Variants in FBH1 observed in about 807,000 individuals in gnomAD.
The protein encoded by FBH1 is F-box DNA helicase 1.
A neutral mutation model predicts 115.5 loss-of-function variants in FBH1; 43 were observed. The observed-to-expected ratio is 0.37, with a 90% CI of 0.29 to 0.48. FBH1 has a LOEUF of 0.48. Among genes scored for constraint, FBH1 ranks in the 20% least tolerant of loss-of-function variants. The pLI is 0.99. For synonymous variants in FBH1, 524 were observed against 507.8 expected (o/e 1.03, Z -0.43); for missense variants, 1,001 against 1,337.3 (o/e 0.75, Z 3.92).
Position 5,906,164 on chromosome 10 carries a change from T to C in FBH1, c.285T>C (p.Phe95=). The C allele has an allele frequency of 1.2e-6, 2 of 1,614,104 alleles. No homozygotes were observed. The part of the protein sequence containing the change: ...SCQDSEGDMI[F]PAESSCALPQ... ...AGGACTCTGAGGGTGACATGATCTT[T>C]CCTGCAGAGAGCAGCTGTGCACTGC... Residue 95 remains phenylalanine (F), a synonymous_variant, in exon 3 of 21, where the codon TTT becomes TTC. Coordinates refer to ENST00000362091, the MANE Select transcript of FBH1 (RefSeq NM_178150.3). This position sits in a 1 kb window ranked among gnomAD's most constrained non-coding sequence, Gnocchi z 7.3.
chr10:5,894,375 G>A (rs989680507), intron 1 of FBH1: 11 of 1,577,994 alleles, frequency 7.0e-6, no homozygotes, highest in African/African-American at 1.4e-5. Flanking sequence ...TAAACTTGAG[G>A]TTTTCAGAAG....
rs559656259 is a variant in FBH1 at position 5,915,053 on chromosome 10, T to A, written c.1397-350T>A. On this transcript the variant is annotated intron_variant, in intron 8 of 20. Coordinates refer to ENST00000362091, the MANE Select transcript of FBH1 (RefSeq NM_178150.3). This position sits in a 1 kb window ranked among gnomAD's most constrained non-coding sequence, Gnocchi z 5.2. Reference sequence around the variant, plus strand: ...TCTCTCCAGAGACATGCCTTCCCCCTCCCTAACCCTACCCTCCTATCCTGA... The same window carrying A: ...TCTCTCCAGAGACATGCCTTCCCCCACCCTAACCCTACCCTCCTATCCTGA... Among the ~76,000 whole-genome samples, 7 of 152,134 alleles carry A rather than the reference T, an allele frequency of 4.6e-5. No individual in the cohort carries two copies. The highest frequency in any genetic ancestry group is 8.8e-5 in the Non-Finnish European group (6 of 67,966).
intron 1 of FBH1, among the ~76,000 whole-genome samples, chr10:5,893,612 G>A (rs746485164): frequency 6.6e-6 from 1 of 152,094 alleles, no homozygotes; most frequent in South Asian, 2.1e-4. Flanking sequence ...TCAACTCTTC[G>A]TGAAGCCTTT....
At position 5,906,728 on chromosome 10, in the gene FBH1, T is replaced by A; in HGVS notation, c.753+96T>A. ...TCAGAGGATCTTTTCAGAAATGGTT[T>A]CCATTTGCCTTCAGAAGACATTCAG... On this transcript the variant is annotated intron_variant, in intron 3 of 20. Coordinates refer to ENST00000362091, the MANE Select transcript of FBH1 (RefSeq NM_178150.3). This position sits in a 1 kb window ranked among gnomAD's most constrained non-coding sequence, Gnocchi z 7.3. 1.9e-6 allele frequency: 2 copies of A among 1,077,134 alleles called. No individual in the cohort carries two copies. Among genetic ancestry groups the A allele is most frequent in the Non-Finnish European group, 2.7e-6 (2 of 752,544 alleles). 66.7% of individuals were successfully genotyped at this position (1,077,134 alleles called of 1,614,324 possible).
chr10:5,898,945 A>G (rs1430975309), intron 1 of FBH1, among the ~76,000 whole-genome samples: 1 of 152,214 alleles, frequency 6.6e-6, no homozygotes, highest in Non-Finnish European at 1.5e-5. Context: ...GTCATTATCA[A>G]TGCACCGTTG....
rs532189532 is a variant in FBH1, at chr10:5,932,064, G to A, written c.2830-4392G>A. On this transcript the variant is annotated intron_variant, in intron 19 of 20. Coordinates refer to ENST00000362091, the MANE Select transcript of FBH1 (RefSeq NM_178150.3). The surrounding 1 kb of genome is among the most constrained non-coding windows in gnomAD (Gnocchi z 5.9). ...TAGGAGGCTGAGGTGGGAGAATCGC[G>A]TGAACCCAGGAGGCGGAGATTGCAG... Among the ~76,000 whole-genome samples the A allele has an allele frequency of 2.6e-5, 4 of 152,270 alleles. No individual in the cohort carries two copies. The highest frequency in any genetic ancestry group is 6.5e-5 in the Admixed American group (1 of 15,300).
intron 1 of FBH1, chr10:5,894,159 C>T: frequency 3.0e-6 from 3 of 985,390 alleles, no homozygotes; most frequent in Non-Finnish European, 2.4e-6. Flanking sequence ...TCAGTGAATA[C>T]CTGGGAAAGG....
chr10:5,895,317 C>A lies in FBH1; in HGVS notation c.1+4971C>A. ...TTGTAGCAGTTTCTCCAGTCAGGTA[C>A]CTTGTACTAGCGAGTCAACTTGATT... On this transcript the variant is annotated intron_variant, in intron 1 of 20. Transcript: ENST00000362091. This position sits in a 1 kb window ranked among gnomAD's most constrained non-coding sequence, Gnocchi z 5.0. The A allele has an allele frequency of 1.1e-6, 1 of 902,636 alleles. No individual in the cohort carries two copies. The highest frequency in any genetic ancestry group is 1.6e-6 in the Non-Finnish European group (1 of 641,662). The allele number at this position is 902,636 out of a possible 1,614,324, so 55.9% of individuals were successfully genotyped here.
At position 5,900,431 on chromosome 10, in the gene FBH1, C is replaced by A. The variant is rs1843274022; in HGVS notation, c.2-2589C>A. On this transcript the variant is annotated intron_variant, in intron 1 of 20. Coordinates refer to ENST00000362091, the MANE Select transcript of FBH1 (RefSeq NM_178150.3). The surrounding 1 kb of genome is among the most constrained non-coding windows in gnomAD (Gnocchi z 4.2). ...AAGTGGCCAGCTGAGGGTGCCAGCCCAGCCCTCCCGCCAGGCCCTCGCCGG... is the reference window on the plus strand; with the variant it reads ...AAGTGGCCAGCTGAGGGTGCCAGCCAAGCCCTCCCGCCAGGCCCTCGCCGG... Among the ~76,000 whole-genome samples, 1 of 152,216 alleles carries A rather than the reference C, an allele frequency of 6.6e-6. No individual in the cohort carries two copies. The highest frequency in any genetic ancestry group is 1.5e-5 in the Non-Finnish European group (1 of 68,038).
chr10:5,892,842 A>G (rs1842810013), intron 1 of FBH1, among the ~76,000 whole-genome samples: 1 of 152,182 alleles, frequency 6.6e-6, no homozygotes. Context: ...CCATGTTCTT[A>G]TGCACCTGCA....
chr10:5,915,658 A>G lies in FBH1; in HGVS notation c.1565+87A>G. ...CCGTGACGATCACATGTGAGCTTAC[A>G]CCACAGTGACCCCGAGGAGTGTAGT... On this transcript the variant is annotated intron_variant, in intron 9 of 20. Transcript: ENST00000362091. The surrounding 1 kb of genome is among the most constrained non-coding windows in gnomAD (Gnocchi z 5.2). 8.1e-7 allele frequency: 1 copy of G among 1,233,612 alleles called. No individual in the cohort carries two copies. The highest frequency in any genetic ancestry group is 1.2e-6 in the Non-Finnish European group (1 of 864,414). The allele number at this position is 1,233,612 out of a possible 1,614,324, so 76.4% of individuals were successfully genotyped here.
In FBH1 at chr10:5,903,207, A is replaced by T. The variant is rs750147868; in HGVS notation, c.157+32A>T. The stretch of plus-strand genomic sequence containing the variant: ...CTCCTCTAAAACTCTTGCATTTCAA[A>T]ACCTGTAGTGTGTGGGTCCTTTGAC... On this transcript the variant is annotated intron_variant, in intron 2 of 20. Transcript: ENST00000362091. The T allele has an allele frequency of 1.8e-5, 28 of 1,564,076 alleles. No homozygotes were observed. In the East Asian group the frequency reaches 5.4e-4, roughly 30 times the overall value.
rs747367408 is a variant in FBH1, at chr10:5,906,585, C to T, written c.706C>T (p.Leu236=). The T allele has an allele frequency of 1.2e-6, 2 of 1,612,984 alleles. No homozygotes were observed. Among genetic ancestry groups the T allele is most frequent in the South Asian group, 1.1e-5 (1 of 91,074 alleles). Residue 236 remains leucine (L), a synonymous_variant, in exon 3 of 21, where the codon CTG becomes TTG. Coordinates refer to ENST00000362091, the MANE Select transcript of FBH1 (RefSeq NM_178150.3). The surrounding 1 kb of genome is among the most constrained non-coding windows in gnomAD (Gnocchi z 7.3). ...CCCGGTGGAAGACCTCTATTGGAAC[C>T]TGAGCTTGGTGTGCCACTTGTGGAG... ...FLPVEDLYWN[L]SLVCHLWREI...
Position 5,895,179 on chromosome 10 carries a change from A to G in FBH1, c.1+4833A>G, listed in dbSNP as rs1349621372. On this transcript the variant is annotated intron_variant, in intron 1 of 20. Transcript: ENST00000362091. This position sits in a 1 kb window ranked among gnomAD's most constrained non-coding sequence, Gnocchi z 5.0. The stretch of plus-strand genomic sequence containing the variant: ...GCCCACTTGCTGGTCTTCACAGAGC[A>G]CGCTGAAAGTAAGAGGCATGTGGGA... 1.9e-6 allele frequency: 3 copies of G among 1,612,640 alleles called. No homozygotes were observed. Among genetic ancestry groups the G allele is most frequent in the Admixed American group, 1.7e-5 (1 of 59,864 alleles).
upstream of FBH1, chr10:5,889,968 G>C (rs904779178): frequency 1.5e-5 from 3 of 196,378 alleles, no homozygotes; most frequent in African/African-American, 7.0e-5. Context: ...CTGCTCCGCG[G>C]GGACTCGGGG....
intron 2 of FBH1, among the ~76,000 whole-genome samples, chr10:5,904,126 C>G (rs1011035483): frequency 6.6e-6 from 1 of 151,956 alleles, no homozygotes; most frequent in African/African-American, 2.4e-5. Flanking sequence ...TTTCAGCTCA[C>G]TGCAGCTCTG....
intron 19 of FBH1, among the ~76,000 whole-genome samples, chr10:5,928,068 A>G (rs1339638244): frequency 1.1e-4 from 13 of 120,012 alleles, no homozygotes; most frequent in Admixed American, 2.7e-4. Flanking sequence ...GCGAGACTCC[A>G]TCTCAAAAAA....
At position 5,918,847 on chromosome 10, in the gene FBH1, T is replaced by C. The variant is rs531937270; in HGVS notation, c.2100+369T>C. Among the ~76,000 whole-genome samples, 1 of 152,356 alleles carries C rather than the reference T, an allele frequency of 6.6e-6. No homozygotes were observed. The highest frequency in any genetic ancestry group is 2.1e-4 in the South Asian group (1 of 4,828). On this transcript the variant is annotated intron_variant, in intron 13 of 20. Coordinates refer to ENST00000362091, the MANE Select transcript of FBH1 (RefSeq NM_178150.3). This position sits in a 1 kb window ranked among gnomAD's most constrained non-coding sequence, Gnocchi z 4.0. ...CAGGGAAAATAACTGACAGTGTTTGTTGTCAAAAGTAACATCTTTGCTTTC... is the reference window on the plus strand; with the variant it reads ...CAGGGAAAATAACTGACAGTGTTTGCTGTCAAAAGTAACATCTTTGCTTTC...
In FBH1 at chr10:5,911,565, G is replaced by GC. The variant is rs529609175; in HGVS notation, c.1211+441dup. ...GCGTGTCGGCTGCTGATTCACAGGG[G>GC]CCCCGATGGTTTCCTCAGCAGGGTG... is the stretch of plus-strand genomic sequence containing the variant. On this transcript the variant is annotated intron_variant, in intron 6 of 20. Transcript: ENST00000362091. The surrounding 1 kb of genome is among the most constrained non-coding windows in gnomAD (Gnocchi z 5.4). 2.3e-3 allele frequency among the ~76,000 whole-genome samples: 353 copies of GC among 152,278 alleles called. No homozygotes were observed. The highest frequency in any genetic ancestry group is 3.0e-3 in the Non-Finnish European group (202 of 68,018).
Sources: allele counts gnomAD v4.1 joint callset (sites outside exome capture counted in the v4.1 genomes callset), GRCh38; gene constraint gnomAD v4.1.1; non-coding constraint Gnocchi (gnomAD v3.1); transcripts MANE v1.5; gene names NCBI Gene and HGNC (gene_info 2026-07-23, HGNC 2026-07-21).